KRT8: variants seen among roughly 807,000 people sequenced by gnomAD.
KRT8 encodes keratin 8, also known as keratin, type II cytoskeletal 8.
Under a neutral mutation model 43.0 loss-of-function variants are expected in KRT8, and 24 were observed. The ratio of observed to expected loss-of-function variants is 0.56; its 90% CI spans 0.40 to 0.78. KRT8 has a LOEUF of 0.78. Among genes scored for constraint, KRT8 ranks in the 30% least tolerant of loss-of-function variants. The probability of loss-of-function intolerance (pLI) is 0.00; values close to 1 mark genes in which losing one functional copy is unlikely to be tolerated. For missense variants in KRT8, 492 were observed against 638.4 expected (o/e 0.77, Z 2.47); for synonymous variants, 214 against 261.2 (o/e 0.82, Z 1.74).
chr12:52,930,260 C>T (rs1381988507), intron 2 of KRT8, among the ~76,000 whole-genome samples: 1 of 151,452 alleles, frequency 6.6e-6, no homozygotes, highest in Non-Finnish European at 1.5e-5. Context: ...TCTTGTTGCC[C>T]AGGCTGGAGT....
At chr12:52,944,926 C>T (rs1942321304) in intron 2 of KRT8, among the ~76,000 whole-genome samples, 1 of 152,204 alleles carries the variant, frequency 6.6e-6, no homozygotes, top group South Asian at 2.1e-4. Context: ...CACCCGCATC[C>T]TCCCCCTGCT....
intron 2 of KRT8, among the ~76,000 whole-genome samples, chr12:52,925,769 T>C (rs996811857): frequency 6.6e-6 from 1 of 152,118 alleles, no homozygotes; most frequent in East Asian, 1.9e-4. Flanking sequence ...TTATGCACAG[T>C]TCTTAATGGG....
At chr12:52,938,170 A>ATATATATATATATATATATATATATATT (rs1555189967) in intron 2 of KRT8, among the ~76,000 whole-genome samples, 1 of 30,310 alleles carries the variant, frequency 3.3e-5, no homozygotes, top group Non-Finnish European at 5.9e-5. Context: ...ATATATATAT[A>ATATATATATATATATATATATATATATT]TTTTTTTTTT....
At position 52,935,541 on chromosome 12, in the gene KRT8, AAAAGG is replaced by A. The variant is rs1942156795; in HGVS notation, c.-47+13910_-47+13914del. Among the ~76,000 whole-genome samples, 3 of 150,940 alleles carry A rather than the reference AAAAGG, an allele frequency of 2.0e-5. No individual in the cohort carries two copies. The South Asian group carries it at 6.2e-4, about 31-fold the overall frequency. ...TCCTGTCTCTACTTAAAAAAAAAAA[AAAAGG>A]AAAAGAAAAAGAAAAAGGAAAACCG... On this transcript the variant is annotated intron_variant, in intron 2 of 6. Coordinates refer to the KRT8 transcript ENST00000546826.
chr12:52,926,143 TGCCCCCC>T (rs1941985453), intron 2 of KRT8, among the ~76,000 whole-genome samples: 1 of 125,680 alleles, frequency 8.0e-6, no homozygotes. Flanking sequence ...GGTGTGTCCC[TGCCCCCC>T]GCCCCCCACC....
chr12:52,908,756 A>G (rs189743300), upstream of KRT8, among the ~76,000 whole-genome samples: 1 of 152,308 alleles, frequency 6.6e-6, no homozygotes, highest in Non-Finnish European at 1.5e-5. Flanking sequence ...CTATAATCCC[A>G]GCACTTTGGG....
intron 2 of KRT8, among the ~76,000 whole-genome samples, chr12:52,937,861 A>G (rs912489700): frequency 4.0e-5 from 6 of 150,972 alleles, no homozygotes; most frequent in Non-Finnish European, 7.4e-5. Flanking sequence ...GTAGCCTGGC[A>G]TGGTGGCACA....
chr12:52,905,081 TTTTATA>T, upstream of KRT8: 1 of 1,488,306 alleles, frequency 6.7e-7, no homozygotes, highest in Non-Finnish European at 8.9e-7. Flanking sequence ...AGGAATGGCC[TTTTATA>T]AAAGAGATCC....
intron 2 of KRT8, among the ~76,000 whole-genome samples, chr12:52,946,069 G>A (rs1942339176): frequency 6.6e-6 from 1 of 152,184 alleles, no homozygotes; most frequent in South Asian, 2.1e-4. Flanking sequence ...AGTCAGGAAT[G>A]TGGCCATCGA....
chr12:52,904,776 T>C (rs773747000), exon 1 of KRT8: 8 of 1,612,292 alleles, frequency 5.0e-6, no homozygotes, highest in Non-Finnish European at 6.8e-6. Context: ...CAGGCTCTGG[T>C]TGACCGTAAC....
At chr12:52,907,844 A>G (rs1941554566), upstream of KRT8, among the ~76,000 whole-genome samples, 1 of 152,240 alleles carries the variant, frequency 6.6e-6, no homozygotes, top group Non-Finnish European at 1.5e-5. Flanking sequence ...AGGCAGAAGG[A>G]GAAGGCCCCT....
rs780140219 is a variant in KRT8, at chr12:52,938,170, A to ATTTT, written c.-47+11282_-47+11285dup. On this transcript the variant is annotated intron_variant, in intron 2 of 6. Transcript: ENST00000546826. ...TATATATATATATATATATATATAT[A>ATTTT]TTTTTTTTTTTTTTTATATATAAGG... 4.7e-3 allele frequency among the ~76,000 whole-genome samples: 143 copies of ATTTT among 30,210 alleles called. 3 individuals carry two copies. The highest frequency in any genetic ancestry group is 0.013 in the South Asian group (10 of 744). 19.8% of individuals were successfully genotyped at this position (30,210 alleles called of 152,430 possible).
At chr12:52,930,949 G>A (rs1942072374) in intron 2 of KRT8, among the ~76,000 whole-genome samples, 1 of 152,054 alleles carries the variant, frequency 6.6e-6, no homozygotes, top group Non-Finnish European at 1.5e-5. Flanking sequence ...CTAGATGATT[G>A]CAGTAATCTC....
At chr12:52,936,169 T>C (rs1729515985) in intron 2 of KRT8, among the ~76,000 whole-genome samples, 1 of 152,076 alleles carries the variant, frequency 6.6e-6, no homozygotes, top group South Asian at 2.1e-4. Flanking sequence ...GGAGAATGGC[T>C]TGAACCTGGG....
chr12:52,915,169 C>G lies in KRT8; in HGVS notation c.-46-10142G>C, dbSNP rs540297110. Among the ~76,000 whole-genome samples, 6 of 151,984 alleles carry G rather than the reference C, an allele frequency of 3.9e-5. No individual in the cohort carries two copies. The South Asian group carries it at 1.0e-3, about 26-fold the overall frequency. On this transcript the variant is annotated intron_variant, in intron 2 of 6. Coordinates refer to the KRT8 transcript ENST00000546826. ...TGGGCGGATCATGAGGTCAGGAGAT[C>G]GAGACCATCCTGGCTAACACAGTGA...
intron 2 of KRT8, among the ~76,000 whole-genome samples, chr12:52,913,919 G>C (rs1323977934): frequency 6.6e-6 from 1 of 152,166 alleles, no homozygotes; most frequent in East Asian, 1.9e-4. Flanking sequence ...GCCCAGGCTG[G>C]TCTCAAAATC....
At chr12:52,914,012 C>T (rs1941685551) in intron 2 of KRT8, among the ~76,000 whole-genome samples, 1 of 152,192 alleles carries the variant, frequency 6.6e-6, no homozygotes, top group Admixed American at 6.5e-5. Flanking sequence ...TACCTGAAGT[C>T]AGGAGATCAA....
chr12:52,944,886 G>C (rs1942320863), intron 2 of KRT8, among the ~76,000 whole-genome samples: 1 of 152,148 alleles, frequency 6.6e-6, no homozygotes, highest in Non-Finnish European at 1.5e-5. Flanking sequence ...CAGAAGTCTT[G>C]ATATCAGACT....
At chr12:52,929,414 G>T (rs1942049033) in intron 2 of KRT8, among the ~76,000 whole-genome samples, 2 of 152,000 alleles carry the variant, frequency 1.3e-5, no homozygotes, top group African/African-American at 4.8e-5. Context: ...GGCTGGTCTT[G>T]AACTCCTGAC....
Sources: allele counts gnomAD v4.1 joint callset (sites outside exome capture counted in the v4.1 genomes callset), GRCh38; gene constraint gnomAD v4.1.1; transcripts MANE v1.5; gene names NCBI Gene and HGNC (gene_info 2026-07-23, HGNC 2026-07-21).